PRDM10: variants seen among roughly 807,000 people sequenced by gnomAD.
PRDM10 encodes the protein PR/SET domain 10.
A neutral mutation model predicts 133.1 loss-of-function variants in PRDM10; 65 were observed. That is an observed-to-expected ratio of 0.49 (90% confidence interval 0.40 to 0.60). PRDM10 has a LOEUF of 0.60. PRDM10 is among the 20% of genes least tolerant of loss of function. The probability of loss-of-function intolerance (pLI) is 0.00; values close to 1 mark genes in which losing one functional copy is unlikely to be tolerated. For missense variants in PRDM10, 1,137 were observed against 1,507.1 expected (o/e 0.75, Z 4.07); for synonymous variants, 582 against 580.4 (o/e 1.00, Z -0.04).
Position 129,947,814 on chromosome 11 carries a change from G to A in PRDM10, c.295-444C>T, listed in dbSNP as rs1357579163. Among the ~76,000 whole-genome samples the A allele has an allele frequency of 6.6e-6, 1 of 152,166 alleles. No homozygotes were observed. On this transcript the variant is annotated intron_variant, in intron 4 of 20. Coordinates refer to ENST00000360871, the MANE Select transcript of PRDM10 (RefSeq NM_199437.2). This position sits in a 1 kb window ranked among gnomAD's most constrained non-coding sequence, Gnocchi z 4.6. Reference sequence around the variant, plus strand: ...CAAGACTTCAAATAGGTAAGCAACAGACCGTTTCGATGTGTGCACATGTGA... The same window carrying A: ...CAAGACTTCAAATAGGTAAGCAACAAACCGTTTCGATGTGTGCACATGTGA...
In PRDM10 at chr11:129,923,643, TGAGAGAGAGAGA is replaced by T. The variant is rs57429782; in HGVS notation, c.1879-252_1879-241del. Among the ~76,000 whole-genome samples the T allele has an allele frequency of 0.067, 4,407 of 65,902 alleles. 115 individuals are homozygous for T. Among genetic ancestry groups the T allele is most frequent in the Middle Eastern group, 0.11 (8 of 74 alleles). The allele number at this position is 65,902 out of a possible 152,430, so 43.2% of individuals were successfully genotyped here. On this transcript the variant is annotated intron_variant, in intron 12 of 20. Transcript: ENST00000360871. This position sits in a 1 kb window ranked among gnomAD's most constrained non-coding sequence, Gnocchi z 4.4. ...CGAACCTCCCCGATGACTTGAAACGTGAGAGAGAGAGAGAGAGAGAGAGAGAGAGAGAGAGAG... is the reference window on the plus strand; with the variant it reads ...CGAACCTCCCCGATGACTTGAAACGTGAGAGAGAGAGAGAGAGAGAGAGAG...
intron 6 of PRDM10, among the ~76,000 whole-genome samples, chr11:129,944,321 G>A (rs188490637): frequency 0.022 from 3,302 of 152,244 alleles, 39 homozygotes; most frequent in Non-Finnish European, 0.034. Context: ...TCGGCCGGGC[G>A]CGGTGGCTCA....
rs1445139841 is a variant in PRDM10, at chr11:129,912,219, A to T, written c.2848T>A (p.Ser950Thr). Residue 950 changes from serine to threonine, a missense_variant, in exon 18 of 21, where the codon TCC (serine) becomes ACC (threonine). Ser to Thr is a moderately conservative substitution (Grantham distance 58, BLOSUM62 1). Around this residue, in one of 6 missense-constraint regions of PRDM10, gnomAD observed 243 missense variants for 259.2 expected, o/e 0.94. Transcript: ENST00000360871. ...LQVVQVASAT[S>T]PHQSQQSTVD... ...GTGGACTGCTGTGACTGGTGAGGGGAAGTGGCCTGGAAGGAGAAAAAACAG... is the reference window on the plus strand; with the variant it reads ...GTGGACTGCTGTGACTGGTGAGGGGTAGTGGCCTGGAAGGAGAAAAAACAG... The T allele has an allele frequency of 3.8e-6, 6 of 1,585,902 alleles. No individual in the cohort carries two copies. Among genetic ancestry groups the T allele is most frequent in the Non-Finnish European group, 5.2e-6 (6 of 1,163,178 alleles).
At chr11:129,986,656 G>A (rs1409595026) in intron 1 of PRDM10, among the ~76,000 whole-genome samples, 1 of 152,138 alleles carries the variant, frequency 6.6e-6, no homozygotes, top group Non-Finnish European at 1.5e-5. Flanking sequence ...CCCAAAGTGC[G>A]TGAGCCACTG....
At position 129,957,830 on chromosome 11, in the gene PRDM10, C is replaced by T. The variant is rs1408041567; in HGVS notation, c.150G>A (p.Val50=). 1 of 1,614,104 alleles carries T rather than the reference C, an allele frequency of 6.2e-7. No homozygotes were observed. The highest frequency in any genetic ancestry group is 1.7e-5 in the Admixed American group (1 of 60,002). The change falls in exon 3 of 21, where the codon GTG becomes GTA. Residue 50 remains valine (V), a synonymous_variant. Coordinates refer to ENST00000360871, the MANE Select transcript of PRDM10 (RefSeq NM_199437.2). ...DDQVRPPQQV[V]YTADGASYTS... is the part of the protein sequence containing the mutation. ...TGTAGGAGGCACCATCTGCCGTGTA[C>T]ACCACCTGCTGTGGGGGGCGAACCT...
intron 1 of PRDM10, among the ~76,000 whole-genome samples, chr11:129,961,733 A>G (rs1465105479): frequency 6.6e-6 from 1 of 152,044 alleles, no homozygotes; most frequent in Non-Finnish European, 1.5e-5. Context: ...ATAATAATAT[A>G]ATGTATTGCA....
chr11:129,963,986 G>A (rs60809978), intron 1 of PRDM10, among the ~76,000 whole-genome samples: 2 of 152,228 alleles, frequency 1.3e-5, no homozygotes, highest in South Asian at 2.1e-4. Flanking sequence ...CTTGACATTT[G>A]TGAAATGCAC....
In PRDM10 at chr11:129,948,458, C is replaced by G. The variant is rs73577219; in HGVS notation, c.295-1088G>C. 9.9e-3 allele frequency among the ~76,000 whole-genome samples: 1,509 copies of G among 152,282 alleles called. 24 individuals are homozygous for G. Among genetic ancestry groups the G allele is most frequent in the African/African-American group, 0.034 (1,426 of 41,554 alleles). On this transcript the variant is annotated intron_variant, in intron 4 of 20. Transcript: ENST00000360871. Reference sequence around the variant, plus strand: ...GTGAACCGCCTTTGATGCCTCCAGCCCTCCCTGAGTCTCCTCTGCTCTGAA... The same window carrying G: ...GTGAACCGCCTTTGATGCCTCCAGCGCTCCCTGAGTCTCCTCTGCTCTGAA...
At chr11:129,978,925 G>A (rs946802966) in intron 1 of PRDM10, among the ~76,000 whole-genome samples, 3 of 152,086 alleles carry the variant, frequency 2.0e-5, no homozygotes, top group Non-Finnish European at 4.4e-5. Flanking sequence ...GATGCATCAG[G>A]GCCCCATCAG....
chr11:129,941,203 G>A (rs1195501627), intron 7 of PRDM10, among the ~76,000 whole-genome samples: 2 of 152,090 alleles, frequency 1.3e-5, no homozygotes, highest in Non-Finnish European at 2.9e-5. Flanking sequence ...CAGTGTTTGT[G>A]TACTTATATG....
chr11:129,941,020 T>C (rs913648284), intron 7 of PRDM10, among the ~76,000 whole-genome samples: 1 of 152,238 alleles, frequency 6.6e-6, no homozygotes, highest in Admixed American at 6.5e-5. Flanking sequence ...TTGGCATACA[T>C]GGTATGAGAT....
At chr11:129,999,725 G>C (rs1223665131) in intron 1 of PRDM10, among the ~76,000 whole-genome samples, 3 of 152,166 alleles carry the variant, frequency 2.0e-5, no homozygotes, top group African/African-American at 7.2e-5. Flanking sequence ...AATTATGTTT[G>C]TTATCCAGAA....
chr11:129,990,174 T>C (rs970409203), intron 1 of PRDM10, among the ~76,000 whole-genome samples: 2 of 151,652 alleles, frequency 1.3e-5, no homozygotes, highest in African/African-American at 4.8e-5. Context: ...TGAAACTCCG[T>C]CTCTACTAAA....
rs373308063 is a variant in PRDM10 at position 129,910,670 on chromosome 11, G to T, written c.2983-14C>A. Reference sequence around the variant, plus strand: ...CTGCCCAGATACCTGGGGAGAAAGAGAAAGCAATGGTAGGGAATTACGAGC... The same window carrying T: ...CTGCCCAGATACCTGGGGAGAAAGATAAAGCAATGGTAGGGAATTACGAGC... On this transcript the variant is annotated splice_polypyrimidine_tract_variant and intron_variant, in intron 18 of 20. Coordinates refer to ENST00000360871, the MANE Select transcript of PRDM10 (RefSeq NM_199437.2). 1 of 1,534,574 alleles carries T rather than the reference G, an allele frequency of 6.5e-7. No homozygotes were observed. Among genetic ancestry groups the T allele is most frequent in the East Asian group, 2.3e-5 (1 of 43,792 alleles).
chr11:129,984,887 C>T (rs1314123337), intron 1 of PRDM10, among the ~76,000 whole-genome samples: 1 of 152,230 alleles, frequency 6.6e-6, no homozygotes, highest in Non-Finnish European at 1.5e-5. Context: ...CACCACCTAC[C>T]TCCTTCTCAT....
rs999366509 is a variant in PRDM10 at position 129,912,116 on chromosome 11, T to C, written c.2951A>G (p.Glu984Gly). The change falls in exon 18 of 21, where the codon GAG becomes GGG. Residue 984 changes from glutamate (E) to glycine (G), a missense_variant. Physicochemically the swap from Glu to Gly is moderately conservative, Grantham distance 98. Around this residue, in one of 6 missense-constraint regions of PRDM10, gnomAD observed 243 missense variants for 259.2 expected, o/e 0.94. Transcript: ENST00000360871. ...AIQVQHIQVS[E>G]PTASAPSSAQ... ...GGAGGACGGGGCCGAGGCGGTAGGC[T>C]CGCTGACCTGGATGTGCTGCACCTG... is the stretch of plus-strand genomic sequence containing the variant. 2 of 1,612,482 alleles carry C rather than the reference T, an allele frequency of 1.2e-6. No homozygotes were observed. The highest frequency in any genetic ancestry group is 1.6e-4 in the Middle Eastern group (1 of 6,080).
At position 129,947,478 on chromosome 11, in the gene PRDM10, T is replaced by C. The variant is rs1427115116; in HGVS notation, c.295-108A>G. On this transcript the variant is annotated intron_variant, in intron 4 of 20. Coordinates refer to ENST00000360871, the MANE Select transcript of PRDM10 (RefSeq NM_199437.2). The surrounding 1 kb of genome is among the most constrained non-coding windows in gnomAD (Gnocchi z 4.6). ...GCAAGGGCTGGCTGAAATCTAGTCT[T>C]CCTACCAACTCCTTCCAGGCCCTGG... The C allele has an allele frequency of 1.9e-6, 3 of 1,552,692 alleles. No individual in the cohort carries two copies. Among genetic ancestry groups the C allele is most frequent in the Non-Finnish European group, 2.6e-6 (3 of 1,147,364 alleles).
chr11:129,917,320 G>T, intron 14 of PRDM10, 83 bp from the exon 15 acceptor site: 1 of 1,018,286 alleles, frequency 9.8e-7, no homozygotes, highest in Non-Finnish European at 1.5e-6. Context: ...GATAATGACC[G>T]CCAGAAGCTG....
At chr11:129,968,316 G>C (rs1485054748) in intron 1 of PRDM10, among the ~76,000 whole-genome samples, 1 of 152,134 alleles carries the variant, frequency 6.6e-6, no homozygotes, top group East Asian at 1.9e-4. Context: ...GGCTCATTAT[G>C]AACTAACTAG....
Sources: allele counts gnomAD v4.1 joint callset (sites outside exome capture counted in the v4.1 genomes callset), GRCh38; gene constraint gnomAD v4.1.1; regional missense constraint gnomAD v4.1.1; non-coding constraint Gnocchi (gnomAD v3.1); transcripts MANE v1.5; gene names NCBI Gene and HGNC (gene_info 2026-07-23, HGNC 2026-07-21).